RERE: variants seen among roughly 807,000 people sequenced by gnomAD.
RERE encodes arginine-glutamic acid dipeptide repeats.
In RERE, 40 loss-of-function variants were observed where a neutral mutation model predicts 146.1. That is an observed-to-expected ratio of 0.27 (90% CI 0.21 to 0.36). The LOEUF is 0.36. Among genes scored for constraint, RERE ranks in the 10% least tolerant of loss-of-function variants. The pLI, the probability that RERE is intolerant of heterozygous loss-of-function variation, is 1.00. For missense variants in RERE, 1,933 were observed against 2,138.7 expected (o/e 0.90, Z 1.90); for synonymous variants, 1,003 against 866.0 (o/e 1.16, Z -2.78).
intron 12 of RERE, among the ~76,000 whole-genome samples, chr1:8,370,795 G>A (rs932313545): frequency 3.9e-5 from 6 of 152,164 alleles, no homozygotes; most frequent in Non-Finnish European, 8.8e-5. Flanking sequence ...GCAGAGACCC[G>A]CTGCACATAA....
intron 1 of RERE, among the ~76,000 whole-genome samples, chr1:8,669,291 G>C (rs973894984): frequency 2.0e-5 from 3 of 152,072 alleles, no homozygotes; most frequent in Non-Finnish European, 4.4e-5. Context: ...GCCCAGGCTG[G>C]TTTCAAATTC....
At chr1:8,624,645 G>A (rs1361353108) in intron 2 of RERE, among the ~76,000 whole-genome samples, 1 of 152,096 alleles carries the variant, frequency 6.6e-6, no homozygotes, top group Non-Finnish European at 1.5e-5. Flanking sequence ...AAGAAGGGGA[G>A]GAGTCCAAGG....
intron 11 of RERE, among the ~76,000 whole-genome samples, chr1:8,435,770 T>C (rs372183305): frequency 3.9e-5 from 6 of 152,248 alleles, no homozygotes; most frequent in African/African-American, 1.4e-4. Context: ...GCACAGCCCA[T>C]TGAGCTATCC....
chr1:8,790,166 C>A (rs1356749956), intron 1 of RERE, among the ~76,000 whole-genome samples: 1 of 152,152 alleles, frequency 6.6e-6, no homozygotes, highest in African/African-American at 2.4e-5. Context: ...TTGCTTTTCT[C>A]TGGAACTGCG....
intron 7 of RERE, among the ~76,000 whole-genome samples, chr1:8,534,479 A>G (rs1645698827): frequency 6.6e-6 from 1 of 152,308 alleles, no homozygotes; most frequent in African/African-American, 2.4e-5. Context: ...TATGCGATAG[A>G]TACAAACACA....
chr1:8,636,583 T>TA (rs1473809746), intron 2 of RERE, among the ~76,000 whole-genome samples: 4 of 151,516 alleles, frequency 2.6e-5, no homozygotes, highest in Admixed American at 1.3e-4. Flanking sequence ...AAATAAAATA[T>TA]AAAAAAATAA....
At chr1:8,627,740 G>A (rs1360705233) in intron 2 of RERE, among the ~76,000 whole-genome samples, 3 of 152,054 alleles carry the variant, frequency 2.0e-5, no homozygotes, top group East Asian at 1.9e-4. Flanking sequence ...ATCTTACTGT[G>A]AGATATAAAG....
At chr1:8,647,848 G>C (rs1192772588) in intron 2 of RERE, among the ~76,000 whole-genome samples, 1 of 152,058 alleles carries the variant, frequency 6.6e-6, no homozygotes, top group African/African-American at 2.4e-5. Context: ...CTAAATGTTA[G>C]GACCATTTGT....
intron 1 of RERE, among the ~76,000 whole-genome samples, chr1:8,745,076 T>C (rs150885924): frequency 3.0e-3 from 452 of 152,294 alleles, no homozygotes; most frequent in Middle Eastern, 0.017. Flanking sequence ...TTTGGCTGTA[T>C]CCTCACCCAA....
intron 12 of RERE, among the ~76,000 whole-genome samples, chr1:8,386,050 T>TG (rs1642671478): frequency 2.4e-5 from 2 of 82,972 alleles, no homozygotes; most frequent in Admixed American, 2.2e-4. Flanking sequence ...TTTTTTTTTC[T>TG]TGGTTCACAG....
At chr1:8,698,155 A>G (rs759754031) in intron 1 of RERE, among the ~76,000 whole-genome samples, 1 of 152,238 alleles carries the variant, frequency 6.6e-6, no homozygotes. Context: ...TGAGTGATAC[A>G]GATCGGCAGA....
At chr1:8,749,484 C>G (rs1640487749) in intron 1 of RERE, among the ~76,000 whole-genome samples, 1 of 150,570 alleles carries the variant, frequency 6.6e-6, no homozygotes, top group Admixed American at 6.6e-5. Flanking sequence ...GACTGGAAGC[C>G]AGGGAGGGCC....
intron 10 of RERE, among the ~76,000 whole-genome samples, chr1:8,486,040 C>T (rs1013509636): frequency 3.3e-5 from 5 of 152,086 alleles, no homozygotes; most frequent in South Asian, 4.1e-4. Flanking sequence ...CCTTGTGACC[C>T]GCCCACCTCG....
At chr1:8,375,080 C>T (rs535092862) in intron 12 of RERE, among the ~76,000 whole-genome samples, 2 of 142,826 alleles carry the variant, frequency 1.4e-5, no homozygotes, top group South Asian at 4.7e-4. Context: ...TGTAACCATA[C>T]ATGGGCCCAC....
rs888865513 is a variant in RERE, at chr1:8,583,196, T to A, written c.523-25673A>T. On this transcript the variant is annotated intron_variant, in intron 4 of 22. Transcript: ENST00000400908. Reference sequence around the variant, plus strand: ...TAGAAGTACTAGAAGGATGGTAGCATTGGCAGCATAGTTTACAAATGTCCC... The same window carrying A: ...TAGAAGTACTAGAAGGATGGTAGCAATGGCAGCATAGTTTACAAATGTCCC... Among the ~76,000 whole-genome samples, 10 of 152,190 alleles carry A rather than the reference T, an allele frequency of 6.6e-5. 1 individual carries two copies. In the South Asian group the frequency reaches 2.1e-3, roughly 32 times the overall value.
At chr1:8,408,219 G>T (rs1047543934) in intron 12 of RERE, among the ~76,000 whole-genome samples, 8 of 152,000 alleles carry the variant, frequency 5.3e-5, no homozygotes, top group Non-Finnish European at 7.4e-5. Context: ...AAAAAAGGGA[G>T]GGTGGGGGAA....
At chr1:8,669,842 G>A (rs1038164989) in intron 1 of RERE, among the ~76,000 whole-genome samples, 3 of 152,188 alleles carry the variant, frequency 2.0e-5, no homozygotes, top group Non-Finnish European at 4.4e-5. Context: ...AGCTCTCAGC[G>A]TGTGATGAAA....
intron 4 of RERE, among the ~76,000 whole-genome samples, chr1:8,593,497 ATTTGCCTC>A (rs1646519247): frequency 8.5e-6 from 1 of 117,648 alleles, no homozygotes. Context: ...TTTGCTCCTT[ATTTGCCTC>A]CTTATTTGCC....
chr1:8,798,108 A>G (rs942715583), intron 1 of RERE, among the ~76,000 whole-genome samples: 1 of 152,138 alleles, frequency 6.6e-6, no homozygotes, highest in East Asian at 1.9e-4. Context: ...AAAATTTAAA[A>G]CTTAGGCCGG....
Sources: allele counts gnomAD v4.1 joint callset (sites outside exome capture counted in the v4.1 genomes callset), GRCh38; gene constraint gnomAD v4.1.1; transcripts MANE v1.5; gene names NCBI Gene and HGNC (gene_info 2026-07-23, HGNC 2026-07-21).